The following DUSP22 variants were observed in gnomAD, a reference collection of about 807,000 sequenced individuals.
DUSP22 encodes dual specificity phosphatase 22.
DUSP22 carries 24 observed loss-of-function variants against 24.5 expected under a neutral mutation model. The ratio of observed to expected loss-of-function variants is 0.98; its 90% CI spans 0.71 to 1.38. The LOEUF is 1.38. DUSP22 is among the 40% of genes most tolerant of loss of function. The probability of loss-of-function intolerance (pLI) is 0.00; values close to 1 mark genes in which losing one functional copy is unlikely to be tolerated. For missense variants in DUSP22, 330 were observed against 269.2 expected, an observed-to-expected ratio of 1.23 and a Z score of -1.58; for synonymous variants, 160 against 106.4, an observed-to-expected ratio of 1.50 and a Z score of -3.10.
chr6:308,912 G>A (rs1000139367), intron 2 of DUSP22, among the ~76,000 whole-genome samples: 22 of 152,420 alleles, frequency 1.4e-4, no homozygotes, highest in South Asian at 2.1e-4. Context: ...ATGAGCTGGC[G>A]CCATCAGGCT....
intron 1 of DUSP22, among the ~76,000 whole-genome samples, chr6:297,337 A>C (rs1362729351): frequency 6.6e-6 from 1 of 152,310 alleles, no homozygotes; most frequent in Non-Finnish European, 1.5e-5. Context: ...CAAACTGTGA[A>C]GTGCAAATAC....
intron 4 of DUSP22, among the ~76,000 whole-genome samples, chr6:338,361 G>A (rs1233352991): frequency 6.6e-6 from 1 of 152,298 alleles, no homozygotes; most frequent in East Asian, 1.9e-4. Flanking sequence ...GGAAGGCATA[G>A]TGTACTTTTT....
chr6:328,342 C>G (rs1311688918), intron 3 of DUSP22, among the ~76,000 whole-genome samples: 2 of 152,312 alleles, frequency 1.3e-5, no homozygotes, highest in African/African-American at 2.4e-5. Context: ...TTCCCATAAC[C>G]CAGCCCGTAC....
chr6:333,719 G>A lies in DUSP22; in HGVS notation c.139-1395G>A, dbSNP rs1055132403. 1.2e-4 allele frequency among the ~76,000 whole-genome samples: 18 copies of A among 152,280 alleles called. No individual in the cohort carries two copies. The South Asian group carries it at 1.4e-3, about 12-fold the overall frequency. On this transcript the variant is annotated intron_variant, in intron 3 of 6. Coordinates refer to ENST00000419235, the MANE Select transcript of DUSP22 (RefSeq NM_001286555.3). Reference sequence around the variant, plus strand: ...CCAAGCTCAGCGCCCACTTTGCCCCGAGCCAGCCCACCCCTGCCCCACCTG... The same window carrying A: ...CCAAGCTCAGCGCCCACTTTGCCCCAAGCCAGCCCACCCCTGCCCCACCTG...
chr6:327,347 G>T (rs1350272269), intron 3 of DUSP22, among the ~76,000 whole-genome samples: 4 of 152,424 alleles, frequency 2.6e-5, no homozygotes, highest in Admixed American at 1.3e-4. Flanking sequence ...GAAGGTGGAG[G>T]CCGGCCCGCA....
chr6:322,923 G>A (rs1179691974), intron 3 of DUSP22, among the ~76,000 whole-genome samples: 2 of 152,420 alleles, frequency 1.3e-5, no homozygotes, highest in Admixed American at 6.5e-5. Context: ...GGGTTAAAGG[G>A]CTCTCTGGGC....
At chr6:327,630 G>A (rs944174688) in intron 3 of DUSP22, among the ~76,000 whole-genome samples, 1 of 152,304 alleles carries the variant, frequency 6.6e-6, no homozygotes, top group African/African-American at 2.4e-5. Context: ...CCAGGGCCAT[G>A]CGCCTGTGTG....
chr6:331,409 A>G (rs1159287248), intron 3 of DUSP22, among the ~76,000 whole-genome samples: 2 of 152,414 alleles, frequency 1.3e-5, no homozygotes, highest in Middle Eastern at 3.4e-3. Context: ...AATTTTTCAG[A>G]TTGTTCTAGA....
chr6:312,059 G>T (rs1005097540), intron 3 of DUSP22, 97 bp downstream of exon 3: 2 of 1,285,354 alleles, frequency 1.6e-6, no homozygotes, highest in Non-Finnish European at 2.2e-6. Flanking sequence ...TCTCCAATGC[G>T]AACGTACTCC....
chr6:306,737 T>C lies in DUSP22; in HGVS notation c.55+2076T>C, dbSNP rs532434121. 2.0e-5 allele frequency among the ~76,000 whole-genome samples: 3 copies of C among 152,426 alleles called. No homozygotes were observed. In the East Asian group the frequency reaches 5.8e-4, roughly 29 times the overall value. ...GAATTCACTTGTTCATTGCACAAGC[T>C]TATCGGGAACACACGATGTGCTGGG... On this transcript the variant is annotated intron_variant, in intron 2 of 6. Transcript: ENST00000419235.
At chr6:306,275 T>G (rs1482632267) in intron 2 of DUSP22, among the ~76,000 whole-genome samples, 1 of 152,306 alleles carries the variant, frequency 6.6e-6, no homozygotes, top group African/African-American at 2.4e-5. Flanking sequence ...AATTAAAAAT[T>G]TTAATAAATA....
intron 3 of DUSP22, among the ~76,000 whole-genome samples, chr6:321,347 A>G (rs1423291453): frequency 6.6e-6 from 1 of 152,302 alleles, no homozygotes; most frequent in Non-Finnish European, 1.5e-5. Context: ...TGCAGTAAGC[A>G]GAGACCCAGC....
intron 3 of DUSP22, among the ~76,000 whole-genome samples, chr6:322,830 T>TGGGGG (rs61690495): frequency 5.3e-5 from 1 of 18,786 alleles, no homozygotes; most frequent in Non-Finnish European, 1.1e-4. Context: ...GGCTGCTTGG[T>TGGGGG]GGGGCGGGGG....
At chr6:346,515 T>G (rs991800970) in intron 5 of DUSP22, among the ~76,000 whole-genome samples, 3 of 152,296 alleles carry the variant, frequency 2.0e-5, no homozygotes, top group African/African-American at 7.2e-5. Context: ...CTGAAGCGCT[T>G]GGCAGTGTGC....
intron 2 of DUSP22, among the ~76,000 whole-genome samples, chr6:310,220 C>T (rs1449982291): frequency 1.3e-5 from 2 of 152,424 alleles, no homozygotes; most frequent in East Asian, 1.9e-4. Context: ...CGCGGCCTCC[C>T]AAAGTTCCGG....
At chr6:303,035 C>T (rs1462742246) in intron 1 of DUSP22, among the ~76,000 whole-genome samples, 1 of 152,298 alleles carries the variant, frequency 6.6e-6, no homozygotes. Flanking sequence ...AGGAACCTGA[C>T]TAAAGTTTGG....
intron 2 of DUSP22, among the ~76,000 whole-genome samples, chr6:308,562 C>G (rs982733777): frequency 6.6e-6 from 1 of 152,306 alleles, no homozygotes. Context: ...GCTTTGGAGT[C>G]CAGCCGGCAG....
intron 6 of DUSP22, chr6:348,506 A>C (rs1759998170): frequency 3.5e-6 from 3 of 854,556 alleles, no homozygotes; most frequent in African/African-American, 1.7e-5. Flanking sequence ...GGTACTCCCT[A>C]CTAGTTTGTT....
At position 335,131 on chromosome 6, in the gene DUSP22, C is replaced by T. The variant is rs769130337; in HGVS notation, c.156C>T (p.Cys52=). The T allele has an allele frequency of 6.2e-6, 10 of 1,613,778 alleles. No individual in the cohort carries two copies. The highest frequency in any genetic ancestry group is 8.5e-6 in the Non-Finnish European group (10 of 1,179,724). ...TTCTGCAGGGAGTTAAATACCTGTG[C>T]ATCCCAGCAGCGGATTCACCATCTC... ...RPMLEGVKYL[C]IPAADSPSQN... is the part of the protein sequence containing the mutation. Residue 52 remains cysteine, a synonymous_variant, in exon 4 of 7, where the codon TGC becomes TGT. Coordinates refer to ENST00000419235, the MANE Select transcript of DUSP22 (RefSeq NM_001286555.3).
Sources: allele counts gnomAD v4.1 joint callset (sites outside exome capture counted in the v4.1 genomes callset), GRCh38; gene constraint gnomAD v4.1.1; transcripts MANE v1.5; gene names NCBI Gene and HGNC (gene_info 2026-07-23, HGNC 2026-07-21).